The following TNR variants were observed in gnomAD, a reference collection of about 807,000 sequenced individuals.
The protein encoded by TNR is tenascin R.
In TNR, 45 loss-of-function variants were observed where a neutral mutation model predicts 150.4. That is an observed-to-expected ratio of 0.30 (90% CI 0.24 to 0.38). TNR has a LOEUF of 0.38. Ranked by LOEUF, TNR falls within the 10% of genes least tolerant of loss-of-function variation. The pLI is 1.00. For synonymous variants in TNR, 687 were observed against 678.4 expected, an observed-to-expected ratio of 1.01 and a Z score of -0.20; for missense variants, 1,544 against 1,759.1, an observed-to-expected ratio of 0.88 and a Z score of 2.19.
chr1:175,596,454 TGCTGTACTGTGG>T (rs772950400), intron 1 of TNR, among the ~76,000 whole-genome samples: 10 of 152,184 alleles, frequency 6.6e-5, no homozygotes, highest in Non-Finnish European at 1.3e-4. Context: ...TTGAGACACC[TGCTGTACTGTGG>T]GCTCTTCTGC....
chr1:175,520,552 T>C (rs1201753588), intron 2 of TNR, among the ~76,000 whole-genome samples: 2 of 152,214 alleles, frequency 1.3e-5, no homozygotes, highest in African/African-American at 2.4e-5. Flanking sequence ...CCTTCTCAGG[T>C]GGCACTTGAA....
intron 1 of TNR, among the ~76,000 whole-genome samples, chr1:175,588,996 C>T (rs1454408272): frequency 3.3e-5 from 5 of 152,072 alleles, no homozygotes; most frequent in African/African-American, 1.2e-4. Flanking sequence ...AAATGCCAAC[C>T]TTCTGCCTGG....
At chr1:175,742,152 T>C (rs753780245) in intron 1 of TNR, among the ~76,000 whole-genome samples, 8 of 152,156 alleles carry the variant, frequency 5.3e-5, no homozygotes, top group African/African-American at 1.2e-4. Flanking sequence ...ATGCAGGGAA[T>C]TGACTGAACA....
At chr1:175,538,924 A>G (rs943057753) in intron 1 of TNR, 1 of 152,264 alleles carries the variant, frequency 6.6e-6, no homozygotes, top group Non-Finnish European at 1.5e-5. Flanking sequence ...AGAGCTGGCC[A>G]ATTCCCAAGT....
chr1:175,653,937 G>A (rs1558056514), intron 1 of TNR, among the ~76,000 whole-genome samples: 1 of 151,998 alleles, frequency 6.6e-6, no homozygotes, highest in African/African-American at 2.4e-5. Context: ...ATTTTTGCTT[G>A]TGTAAGTACC....
intron 1 of TNR, among the ~76,000 whole-genome samples, chr1:175,592,469 C>A (rs76435263): frequency 0.052 from 7,878 of 152,338 alleles, 269 homozygotes; most frequent in South Asian, 0.085. Context: ...GGTGACCCAG[C>A]CCCTGCGGGA....
intron 1 of TNR, among the ~76,000 whole-genome samples, chr1:175,598,160 CA>C (rs1663084057): frequency 6.6e-6 from 1 of 152,170 alleles, no homozygotes; most frequent in South Asian, 2.1e-4. Flanking sequence ...TCAAGAACAA[CA>C]GTAACAGTCT....
rs766910104 is a variant in TNR, at chr1:175,406,277, C to T, written c.438G>A (p.Arg146=). The T allele has an allele frequency of 4.2e-5, 67 of 1,614,080 alleles. 1 individual carries two copies. In the South Asian group the frequency reaches 6.8e-4, roughly 16 times the overall value. ...ACTGGTCTCGCAGCACCGACACCTC[C>T]CTCTCCAGCATCTCGATCCGGCTCA... ...ELLSRIEMLE[R]EVSVLRDQCN... Residue 146 remains arginine, a synonymous_variant, in exon 3 of 23, where the codon AGG becomes AGA. Transcript: ENST00000367674.
chr1:175,367,978 T>C (rs1651918508), intron 9 of TNR, among the ~76,000 whole-genome samples: 1 of 152,142 alleles, frequency 6.6e-6, no homozygotes. Flanking sequence ...ACAAAAACTG[T>C]CCCACTAAAG....
rs577762420 is a variant in TNR at position 175,647,063 on chromosome 1, A to G, written c.-165+96163T>C. On this transcript the variant is annotated intron_variant, in intron 1 of 22. Transcript: ENST00000367674. ...CCTGAAATAGGACAGAGGAGTTCGG[A>G]GAGCACCACAGACAAGCTTCACACC... is the stretch of plus-strand genomic sequence containing the variant. 4.5e-4 allele frequency among the ~76,000 whole-genome samples: 68 copies of G among 152,376 alleles called. 1 individual carries two copies. In the South Asian group the frequency reaches 0.014, roughly 32 times the overall value.
intron 2 of TNR, among the ~76,000 whole-genome samples, chr1:175,436,797 A>G (rs1334659814): frequency 6.6e-6 from 1 of 152,256 alleles, no homozygotes; most frequent in African/African-American, 2.4e-5. Flanking sequence ...AGGCCATTAC[A>G]TAATGGTCAA....
At chr1:175,435,376 G>C (rs2102074586) in intron 2 of TNR, among the ~76,000 whole-genome samples, 1 of 152,342 alleles carries the variant, frequency 6.6e-6, no homozygotes, top group South Asian at 2.1e-4. Flanking sequence ...AGATATTTTG[G>C]TCTGTGGAAA....
intron 20 of TNR, among the ~76,000 whole-genome samples, chr1:175,334,084 A>C (rs1273550452): frequency 6.6e-6 from 1 of 152,176 alleles, no homozygotes; most frequent in Non-Finnish European, 1.5e-5. Context: ...GGTAATGTGG[A>C]GTCATTGAAA....
intron 1 of TNR, among the ~76,000 whole-genome samples, chr1:175,733,756 C>T (rs6683299): frequency 0.055 from 8,363 of 152,056 alleles, 712 homozygotes; most frequent in African/African-American, 0.18. Context: ...CACCTGGCCC[C>T]GCTCCTGGTT....
intron 1 of TNR, among the ~76,000 whole-genome samples, chr1:175,558,216 T>C (rs1661263426): frequency 6.8e-6 from 1 of 147,578 alleles, no homozygotes; most frequent in South Asian, 2.2e-4. Context: ...GGCACATGTA[T>C]ACATATGTAA....
intron 2 of TNR, among the ~76,000 whole-genome samples, chr1:175,466,124 C>T (rs942873107): frequency 1.3e-5 from 2 of 152,148 alleles, no homozygotes. Context: ...GATGCTATTA[C>T]GTGCCTCTCC....
At chr1:175,463,682 T>C (rs1406782711) in intron 2 of TNR, among the ~76,000 whole-genome samples, 2 of 152,228 alleles carry the variant, frequency 1.3e-5, no homozygotes, top group African/African-American at 4.8e-5. Context: ...AATTGTGCCA[T>C]ATGCCCATTT....
intron 4 of TNR, among the ~76,000 whole-genome samples, chr1:175,400,500 C>T (rs538823681): frequency 1.3e-5 from 2 of 152,232 alleles, no homozygotes; most frequent in South Asian, 4.2e-4. Context: ...AGGCAGAAGT[C>T]TTGAGATTTT....
At chr1:175,589,875 G>T (rs997827280) in intron 1 of TNR, among the ~76,000 whole-genome samples, 1 of 151,942 alleles carries the variant, frequency 6.6e-6, no homozygotes, top group Non-Finnish European at 1.5e-5. Context: ...GAGGGATAGC[G>T]TTAGGAGAAA....
Sources: allele counts gnomAD v4.1 joint callset (sites outside exome capture counted in the v4.1 genomes callset), GRCh38; gene constraint gnomAD v4.1.1; transcripts MANE v1.5; gene names NCBI Gene and HGNC (gene_info 2026-07-23, HGNC 2026-07-21).